The following RGS6 variants were observed in gnomAD, a reference collection of about 807,000 sequenced individuals.
The protein encoded by RGS6 is regulator of G protein signaling 6, also known as regulator of G-protein signaling 6.
A neutral mutation model predicts 78.5 loss-of-function variants in RGS6; 30 were observed. That is an observed-to-expected ratio of 0.38 (90% CI 0.29 to 0.52). The LOEUF (loss-of-function observed/expected upper bound fraction) is 0.52. Among genes scored for constraint, RGS6 ranks in the 20% least tolerant of loss-of-function variants. RGS6 has a pLI of 0.85. For missense variants in RGS6, 495 were observed against 609.7 expected (o/e 0.81, Z 1.98); for synonymous variants, 206 against 206.0 (o/e 1.00, Z 0.00).
At chr14:72,555,780 G>T (rs146940181) in intron 17 of RGS6, among the ~76,000 whole-genome samples, 5 of 152,348 alleles carry the variant, frequency 3.3e-5, no homozygotes, top group Middle Eastern at 3.4e-3. Context: ...GCATGTTGTG[G>T]ACATAAGTAA....
intron 10 of RGS6, among the ~76,000 whole-genome samples, chr14:72,475,009 G>A (rs561153656): frequency 2.0e-5 from 3 of 149,100 alleles, no homozygotes; most frequent in African/African-American, 7.5e-5. Context: ...AGCTAAGCCA[G>A]ACCTGGAGTG....
chr14:72,137,998 C>G (rs2096473980), intron 2 of RGS6, among the ~76,000 whole-genome samples: 1 of 152,122 alleles, frequency 6.6e-6, no homozygotes, highest in Non-Finnish European at 1.5e-5. Context: ...CCAGGAGCCC[C>G]CAGCCACAAG....
intron 2 of RGS6, among the ~76,000 whole-genome samples, chr14:72,247,135 T>G (rs564208841): frequency 3.7e-4 from 56 of 152,338 alleles, no homozygotes; most frequent in African/African-American, 1.3e-3. Context: ...ATTCCAGCTC[T>G]TTCTTTCTTC....
At chr14:72,479,552 T>A (rs2096322512) in intron 12 of RGS6, among the ~76,000 whole-genome samples, 1 of 152,224 alleles carries the variant, frequency 6.6e-6, no homozygotes, top group Non-Finnish European at 1.5e-5. Context: ...CCATTGAGAA[T>A]GACTGACACT....
At chr14:72,350,485 G>A (rs759630242) in intron 2 of RGS6, among the ~76,000 whole-genome samples, 2 of 152,166 alleles carry the variant, frequency 1.3e-5, no homozygotes, top group Admixed American at 6.5e-5. Context: ...GCTCCTTTGT[G>A]GTTGGGTGGT....
At chr14:71,918,554 TGAGAG>T in the RGS6 span, among the ~76,000 whole-genome samples, 2 of 152,216 alleles carry the variant, frequency 1.3e-5, no homozygotes, top group East Asian at 3.8e-4. Context: ...CTTCATTAAT[TGAGAG>T]GAAAGAGATG....
chr14:72,432,812 G>T, intron 3 of RGS6, among the ~76,000 whole-genome samples: 1 of 152,134 alleles, frequency 6.6e-6, no homozygotes. Flanking sequence ...ATGACCCCAG[G>T]ACCATGTTTC....
In RGS6 at chr14:72,056,056, A is replaced by G. The variant is rs1408984852; in HGVS notation, c.84+91181A>G. On this transcript the variant is annotated intron_variant, in intron 2 of 17. Coordinates refer to ENST00000553525, the MANE Select transcript of RGS6 (RefSeq NM_001204424.2). ...TTACAATGCGGATTTTGATTCAGTA[A>G]GTCTTGGCGTGAGCCCCCGGGAATC... 2.6e-5 allele frequency among the ~76,000 whole-genome samples: 4 copies of G among 152,234 alleles called. No homozygotes were observed. The East Asian group carries it at 7.7e-4, about 29-fold the overall frequency.
At chr14:72,335,080 C>T (rs2075790286) in intron 2 of RGS6, among the ~76,000 whole-genome samples, 1 of 139,076 alleles carries the variant, frequency 7.2e-6, no homozygotes, top group African/African-American at 2.6e-5. Flanking sequence ...AGGTCTTCTG[C>T]ACAAGCTCTC....
At chr14:72,255,324 C>T (rs2283399) in intron 2 of RGS6, among the ~76,000 whole-genome samples, 8,710 of 152,164 alleles carry the variant, frequency 0.057, 356 homozygotes, top group East Asian at 0.26. Context: ...GTTTAAACTA[C>T]TTGGTTGACT....
At chr14:72,340,837 T>A (rs1162818702) in intron 2 of RGS6, among the ~76,000 whole-genome samples, 4 of 152,136 alleles carry the variant, frequency 2.6e-5, no homozygotes, top group Admixed American at 6.5e-5. Flanking sequence ...GCAGAGCAGA[T>A]GTAGAGGACC....
At chr14:72,101,004 C>G (rs1314726024) in intron 2 of RGS6, among the ~76,000 whole-genome samples, 1 of 152,144 alleles carries the variant, frequency 6.6e-6, no homozygotes, top group Non-Finnish European at 1.5e-5. Context: ...ACCAAAAATA[C>G]AAACATTAGC....
chr14:71,922,969 G>A, the RGS6 span, among the ~76,000 whole-genome samples: 1 of 152,166 alleles, frequency 6.6e-6, no homozygotes, highest in African/African-American at 2.4e-5. Flanking sequence ...TGAGCTTTTT[G>A]GGGTTCCTAT....
intron 2 of RGS6, among the ~76,000 whole-genome samples, chr14:72,163,882 CAAA>C (rs35453428): frequency 4.2e-4 from 52 of 124,638 alleles, no homozygotes; most frequent in South Asian, 1.8e-3. Flanking sequence ...GACTCCATCT[CAAA>C]AAAAAAAAAA....
At chr14:72,610,733 C>T in the RGS6 span, among the ~76,000 whole-genome samples, 28 of 152,322 alleles carry the variant, frequency 1.8e-4, 1 homozygote, top group African/African-American at 6.5e-4. Context: ...ATGGAGCCTT[C>T]TCAGAGCTCA....
intron 2 of RGS6, among the ~76,000 whole-genome samples, chr14:72,310,856 A>G (rs2068447652): frequency 6.6e-6 from 1 of 152,228 alleles, no homozygotes; most frequent in South Asian, 2.1e-4. Context: ...TTCTCCCACA[A>G]TAGTCAGAAA....
chr14:72,095,239 A>G (rs1165519046), intron 2 of RGS6, among the ~76,000 whole-genome samples: 1 of 152,096 alleles, frequency 6.6e-6, no homozygotes, highest in Non-Finnish European at 1.5e-5. Flanking sequence ...GCAGAAGTGC[A>G]TTTGGCTGCA....
intron 2 of RGS6, among the ~76,000 whole-genome samples, chr14:72,209,177 G>A (rs2043412314): frequency 6.6e-6 from 1 of 152,158 alleles, no homozygotes; most frequent in African/African-American, 2.4e-5. Context: ...GAAGGTTAAG[G>A]CTGCAGTGAG....
the RGS6 span, among the ~76,000 whole-genome samples, chr14:72,580,413 T>C: frequency 4.0e-5 from 6 of 151,160 alleles, no homozygotes; most frequent in Non-Finnish European, 7.4e-5. Flanking sequence ...TGCTCTGACC[T>C]GTAGCCCTGA....
Sources: gnomAD v4.1 joint callset for allele counts (sites outside exome capture counted in the v4.1 genomes callset) on GRCh38, gnomAD v4.1.1 for gene constraint, MANE v1.5 for transcripts, NCBI Gene and HGNC (gene_info 2026-07-23, HGNC 2026-07-21) for gene names.